ASTN2: variants seen among roughly 807,000 people sequenced by gnomAD.
ASTN2 encodes astrotactin 2, also known as astrotactin-2.
In ASTN2, 54 loss-of-function variants were observed where a neutral mutation model predicts 139.8. The observed-to-expected ratio is 0.39, with a 90% CI of 0.31 to 0.48. The LOEUF is 0.48. Ranked by LOEUF, ASTN2 falls within the 20% of genes least tolerant of loss-of-function variation. ASTN2 has a pLI of 0.95. For missense variants in ASTN2, 1,565 were observed against 1,725.1 expected, an observed-to-expected ratio of 0.91 and a Z score of 1.64; for synonymous variants, 756 against 719.5, an observed-to-expected ratio of 1.05 and a Z score of -0.81.
At chr9:116,479,363 C>T (rs1849094085) in intron 20 of ASTN2, among the ~76,000 whole-genome samples, 1 of 152,098 alleles carries the variant, frequency 6.6e-6, no homozygotes, top group Admixed American at 6.5e-5. Flanking sequence ...TTATAGTATC[C>T]ATGGTGGTGG....
At chr9:117,251,009 C>T (rs1009414191) in intron 2 of ASTN2, among the ~76,000 whole-genome samples, 3 of 152,054 alleles carry the variant, frequency 2.0e-5, no homozygotes, top group Non-Finnish European at 4.4e-5. Context: ...GCAGGGAGGG[C>T]GTGGCCACAG....
chr9:116,527,717 G>A (rs1851154666), intron 19 of ASTN2, among the ~76,000 whole-genome samples: 1 of 152,124 alleles, frequency 6.6e-6, no homozygotes, highest in Admixed American at 6.5e-5. Context: ...CATGTGTTGG[G>A]GAGGGGTTTG....
At position 116,785,572 on chromosome 9, in the gene ASTN2, A is replaced by G. The variant is rs1830349380; in HGVS notation, c.2396+20060T>C. Among the ~76,000 whole-genome samples the G allele has an allele frequency of 1.3e-5, 2 of 152,038 alleles. 1 individual carries two copies. Among genetic ancestry groups the G allele is most frequent in the Non-Finnish European group, 2.9e-5 (2 of 68,012 alleles). On this transcript the variant is annotated intron_variant, in intron 13 of 22. Coordinates refer to ENST00000313400, the MANE Select transcript of ASTN2 (RefSeq NM_001365068.1). ...TTATCAAAAACAAATTTCTCTTTCTATTCCCCTCCCTTGTGCCTGCTCCTC... is the reference window on the plus strand; with the variant it reads ...TTATCAAAAACAAATTTCTCTTTCTGTTCCCCTCCCTTGTGCCTGCTCCTC...
At chr9:117,114,861 C>T (rs1011560484) in intron 4 of ASTN2, among the ~76,000 whole-genome samples, 1 of 152,132 alleles carries the variant, frequency 6.6e-6, no homozygotes, top group African/African-American at 2.4e-5. Context: ...TTTTGGAGAG[C>T]CCACATGTAG....
chr9:117,087,348 C>T (rs901042232), intron 5 of ASTN2, among the ~76,000 whole-genome samples: 9 of 152,094 alleles, frequency 5.9e-5, no homozygotes, highest in Admixed American at 3.9e-4. Flanking sequence ...AATCCTCCAG[C>T]CTCAGCCTCC....
intron 10 of ASTN2, among the ~76,000 whole-genome samples, chr9:116,946,234 C>A (rs1176951364): frequency 1.3e-5 from 2 of 152,160 alleles, no homozygotes; most frequent in African/African-American, 4.8e-5. Context: ...TTTAGAAAGC[C>A]TTTTATGAAC....
At chr9:116,976,598 A>G in intron 8 of ASTN2, 103 bp downstream of exon 8, 1 of 970,478 alleles carries the variant, frequency 1.0e-6, no homozygotes, top group Admixed American at 2.3e-5. Flanking sequence ...TGTTGCAGAG[A>G]AAGAGTCCTC....
intron 2 of ASTN2, among the ~76,000 whole-genome samples, chr9:117,264,839 T>C (rs1187974278): frequency 2.6e-5 from 4 of 152,160 alleles, no homozygotes; most frequent in Non-Finnish European, 5.9e-5. Context: ...TTAGAACAAA[T>C]TAGATAAATA....
chr9:117,116,138 T>C (rs1829384330), intron 4 of ASTN2, among the ~76,000 whole-genome samples: 1 of 151,920 alleles, frequency 6.6e-6, no homozygotes. Flanking sequence ...GGCTACAGCA[T>C]AGGCTAATGC....
chr9:116,429,340 A>AG (rs1564270682), intron 22 of ASTN2, among the ~76,000 whole-genome samples: 1 of 2,646 alleles, frequency 3.8e-4, no homozygotes, highest in Non-Finnish European at 1.4e-3. Flanking sequence ...ACTCTATCTG[A>AG]AAAAAAAAAA....
intron 13 of ASTN2, among the ~76,000 whole-genome samples, chr9:116,769,818 G>C (rs10759858): frequency 0.39 from 59,066 of 151,996 alleles, 13,427 homozygotes; most frequent in Non-Finnish European, 0.52. Context: ...GTCGAGGCAG[G>C]AGAATCACTT....
chr9:117,275,975 G>T (rs939724633), intron 2 of ASTN2, among the ~76,000 whole-genome samples: 3 of 152,082 alleles, frequency 2.0e-5, no homozygotes, highest in Non-Finnish European at 2.9e-5. Flanking sequence ...ATATTAATTT[G>T]CAGGGGAACA....
intron 12 of ASTN2, among the ~76,000 whole-genome samples, chr9:116,819,889 G>A (rs934280887): frequency 6.6e-6 from 1 of 152,220 alleles, no homozygotes; most frequent in Non-Finnish European, 1.5e-5. Flanking sequence ...AGCAATGTAA[G>A]TTGGAAGAAA....
chr9:117,137,198 C>T (rs1829972230), intron 4 of ASTN2, among the ~76,000 whole-genome samples: 1 of 152,212 alleles, frequency 6.6e-6, no homozygotes. Flanking sequence ...AAGAATGATG[C>T]ACTTCAGCCT....
intron 19 of ASTN2, among the ~76,000 whole-genome samples, chr9:116,550,511 T>A (rs115896398): frequency 0.021 from 3,209 of 152,242 alleles, 102 homozygotes; most frequent in African/African-American, 0.073. Flanking sequence ...AAATGTAGCT[T>A]ACATTACTCA....
intron 10 of ASTN2, among the ~76,000 whole-genome samples, chr9:116,928,130 A>G (rs971197351): frequency 3.3e-5 from 5 of 152,086 alleles, no homozygotes; most frequent in Admixed American, 1.3e-4. Context: ...AACAACGACC[A>G]TTTACTCAAT....
At chr9:117,118,438 T>A (rs1829458336) in intron 4 of ASTN2, among the ~76,000 whole-genome samples, 1 of 151,920 alleles carries the variant, frequency 6.6e-6, no homozygotes, top group Non-Finnish European at 1.5e-5. Context: ...GTTTGATCAT[T>A]TCTCATCACC....
intron 4 of ASTN2, among the ~76,000 whole-genome samples, chr9:117,117,623 G>T (rs1366640202): frequency 6.6e-6 from 1 of 152,134 alleles, no homozygotes; most frequent in East Asian, 1.9e-4. Flanking sequence ...GTTCTCATCA[G>T]CACCCCCTAC....
At chr9:117,310,999 TA>T (rs1484839594) in intron 1 of ASTN2, among the ~76,000 whole-genome samples, 2 of 152,106 alleles carry the variant, frequency 1.3e-5, no homozygotes, top group African/African-American at 4.8e-5. Flanking sequence ...CTTGATCAAT[TA>T]TATGCCCTTC....
Sources: allele counts gnomAD v4.1 joint callset (sites outside exome capture counted in the v4.1 genomes callset), GRCh38; gene constraint gnomAD v4.1.1; transcripts MANE v1.5; gene names NCBI Gene and HGNC (gene_info 2026-07-23, HGNC 2026-07-21).